Variants in SLC9A9 observed in about 807,000 individuals in gnomAD.
SLC9A9 encodes the protein sodium/hydrogen exchanger 9.
Under a neutral mutation model 77.8 loss-of-function variants are expected in SLC9A9, and 62 were observed. The ratio of observed to expected loss-of-function variants is 0.80; its 90% CI spans 0.65 to 0.98. The LOEUF is 0.98. Ranked by LOEUF, SLC9A9 falls within the 50% of genes least tolerant of loss-of-function variation. The pLI is 0.00. For synonymous variants in SLC9A9, 320 were observed against 283.5 expected (o/e 1.13, Z -1.29); for missense variants, 775 against 774.9 (o/e 1.00, Z 0.00).
At chr3:143,530,532 T>C (rs1012757752) in intron 9 of SLC9A9, among the ~76,000 whole-genome samples, 7 of 152,138 alleles carry the variant, frequency 4.6e-5, no homozygotes, top group African/African-American at 1.7e-4. Flanking sequence ...CAGTGTTGGG[T>C]ATGTCTTTAT....
intron 4 of SLC9A9, among the ~76,000 whole-genome samples, chr3:143,711,578 A>AT (rs1934196117): frequency 6.8e-5 from 9 of 132,758 alleles, no homozygotes; most frequent in East Asian, 4.5e-4. Flanking sequence ...TTAAAAAAAA[A>AT]ATTTTTTTTT....
chr3:143,402,268 T>C (rs1186824346), intron 12 of SLC9A9, among the ~76,000 whole-genome samples: 5 of 152,148 alleles, frequency 3.3e-5, no homozygotes, highest in African/African-American at 1.2e-4. Flanking sequence ...AATTTAAAAA[T>C]CCTTTGGCAT....
intron 6 of SLC9A9, among the ~76,000 whole-genome samples, chr3:143,647,406 CA>C (rs1458294983): frequency 5.3e-5 from 8 of 152,176 alleles, no homozygotes; most frequent in African/African-American, 1.9e-4. Context: ...TGCCATCAAA[CA>C]AATGGGCTTT....
chr3:143,528,966 G>A (rs939931324), intron 9 of SLC9A9, among the ~76,000 whole-genome samples: 3 of 152,196 alleles, frequency 2.0e-5, no homozygotes, highest in African/African-American at 7.2e-5. Flanking sequence ...AAGCCATCAA[G>A]AGCATTAACT....
chr3:143,387,860 C>T (rs568953667), intron 12 of SLC9A9, among the ~76,000 whole-genome samples: 2 of 152,050 alleles, frequency 1.3e-5, no homozygotes, highest in East Asian at 1.9e-4. Flanking sequence ...CTCACTTTTC[C>T]GCTAAAGCCA....
intron 14 of SLC9A9, among the ~76,000 whole-genome samples, chr3:143,359,948 C>T (rs574627394): frequency 2.0e-4 from 30 of 152,188 alleles, no homozygotes; most frequent in Non-Finnish European, 3.5e-4. Flanking sequence ...AATAAATGTT[C>T]AAGATGTGAG....
chr3:143,402,388 T>C (rs1432140010), intron 12 of SLC9A9, among the ~76,000 whole-genome samples: 1 of 152,068 alleles, frequency 6.6e-6, no homozygotes, highest in African/African-American at 2.4e-5. Flanking sequence ...GCAAATATTA[T>C]TGCAGTGTGG....
intron 7 of SLC9A9, among the ~76,000 whole-genome samples, chr3:143,576,689 C>A (rs931250564): frequency 1.3e-5 from 2 of 152,148 alleles, no homozygotes; most frequent in Non-Finnish European, 2.9e-5. Flanking sequence ...GGCTGCATGA[C>A]CTTGGGCAAC....
At chr3:143,775,427 G>C (rs573576996) in intron 4 of SLC9A9, among the ~76,000 whole-genome samples, 1 of 152,290 alleles carries the variant, frequency 6.6e-6, no homozygotes, top group Non-Finnish European at 1.5e-5. Flanking sequence ...AACTCTGTCT[G>C]GAGAAATTGT....
At chr3:143,591,771 C>A (rs2037648824) in intron 6 of SLC9A9, among the ~76,000 whole-genome samples, 1 of 152,202 alleles carries the variant, frequency 6.6e-6, no homozygotes. Flanking sequence ...GCCCTGCATG[C>A]TGGAGCAGCC....
Position 143,326,327 on chromosome 3 carries a change from C to T in SLC9A9, c.1604+37157G>A, listed in dbSNP as rs116704348. Among the ~76,000 whole-genome samples, 1,019 of 152,258 alleles carry T rather than the reference C, an allele frequency of 6.7e-3. 6 individuals are homozygous for T. Among genetic ancestry groups the T allele is most frequent in the African/African-American group, 0.023 (973 of 41,534 alleles). On this transcript the variant is annotated intron_variant, in intron 14 of 15. Coordinates refer to ENST00000316549, the MANE Select transcript of SLC9A9 (RefSeq NM_173653.4). ...AATAGTCAATTAGGTCACATTATTC[C>T]CTTCCTTAAAACTCTTTGATGGACA...
intron 6 of SLC9A9, among the ~76,000 whole-genome samples, chr3:143,639,408 C>A (rs1327473698): frequency 6.6e-6 from 1 of 152,140 alleles, no homozygotes; most frequent in East Asian, 1.9e-4. Context: ...CCTCTGGTTA[C>A]AACAGAGGGA....
intron 14 of SLC9A9, among the ~76,000 whole-genome samples, chr3:143,284,330 G>A (rs1216157942): frequency 6.6e-6 from 1 of 151,658 alleles, no homozygotes; most frequent in Non-Finnish European, 1.5e-5. Flanking sequence ...ATATCCAACT[G>A]CTGTTAGGAG....
chr3:143,520,643 C>G (rs2036280651), intron 9 of SLC9A9, among the ~76,000 whole-genome samples: 2 of 152,186 alleles, frequency 1.3e-5, no homozygotes, highest in Non-Finnish European at 2.9e-5. Flanking sequence ...TCATTAGCCT[C>G]ACTTTACAGA....
intron 4 of SLC9A9, among the ~76,000 whole-genome samples, chr3:143,784,525 T>C (rs1282124405): frequency 1.8e-5 from 2 of 110,842 alleles, no homozygotes; most frequent in Non-Finnish European, 3.4e-5. Context: ...AAATTTGTAA[T>C]TTTTTTTTTT....
At chr3:143,668,468 T>C (rs2039107711) in intron 5 of SLC9A9, among the ~76,000 whole-genome samples, 1 of 152,048 alleles carries the variant, frequency 6.6e-6, no homozygotes, top group Admixed American at 6.6e-5. Context: ...TACTGGAACT[T>C]AAAGTATAAT....
At chr3:143,668,581 T>C (rs1373841618) in intron 5 of SLC9A9, among the ~76,000 whole-genome samples, 2 of 152,206 alleles carry the variant, frequency 1.3e-5, no homozygotes. Flanking sequence ...ATAGAACTTT[T>C]TGGCTAAAAA....
chr3:143,636,569 C>G (rs746644986), intron 6 of SLC9A9, among the ~76,000 whole-genome samples: 3 of 152,108 alleles, frequency 2.0e-5, no homozygotes, highest in Non-Finnish European at 4.4e-5. Context: ...GTATCCATCA[C>G]CCAAATGGTG....
chr3:143,431,224 G>A (rs2034507141), intron 12 of SLC9A9, among the ~76,000 whole-genome samples: 1 of 152,034 alleles, frequency 6.6e-6, no homozygotes, highest in Admixed American at 6.6e-5. Flanking sequence ...ACAAGTCACA[G>A]CCCTGGGAAG....
Sources: gnomAD v4.1 joint callset for allele counts (sites outside exome capture counted in the v4.1 genomes callset) on GRCh38, gnomAD v4.1.1 for gene constraint, MANE v1.5 for transcripts, NCBI Gene and HGNC (gene_info 2026-07-23, HGNC 2026-07-21) for gene names.